PDE4D: variants seen among roughly 807,000 people sequenced by gnomAD.
PDE4D encodes the protein 3',5'-cyclic-AMP phosphodiesterase 4D.
Under a neutral mutation model 87.4 loss-of-function variants are expected in PDE4D, and 24 were observed. That is an observed-to-expected ratio of 0.27 (90% confidence interval 0.20 to 0.39). The LOEUF (loss-of-function observed/expected upper bound fraction) is 0.39, where lower values mean the gene tolerates loss of function less well. Among genes scored for constraint, PDE4D ranks in the 10% least tolerant of loss-of-function variants. The pLI, the probability that PDE4D is intolerant of heterozygous loss-of-function variation, is 1.00. For synonymous variants in PDE4D, 384 were observed against 383.2 expected (o/e 1.00, Z -0.02); for missense variants, 714 against 1,041.0 (o/e 0.69, Z 4.32).
chr5:59,593,388 T>C (rs919146179), intron 1 of PDE4D, among the ~76,000 whole-genome samples: 5 of 152,132 alleles, frequency 3.3e-5, no homozygotes, highest in African/African-American at 1.2e-4. Flanking sequence ...TGATTAGATG[T>C]ATCCAAAATA....
intron 5 of PDE4D, among the ~76,000 whole-genome samples, chr5:59,058,426 T>C (rs1762657233): frequency 6.6e-6 from 1 of 152,188 alleles, no homozygotes; most frequent in Admixed American, 6.5e-5. Flanking sequence ...ATTGATTTGT[T>C]TACATATCTA....
intron 1 of PDE4D, among the ~76,000 whole-genome samples, chr5:59,789,452 C>A (rs548657887): frequency 2.0e-5 from 3 of 152,160 alleles, no homozygotes; most frequent in African/African-American, 7.2e-5. Flanking sequence ...GATGAGCCTG[C>A]GTGATGTCTA....
intron 1 of PDE4D, among the ~76,000 whole-genome samples, chr5:59,777,527 A>G (rs575836690): frequency 4.4e-4 from 67 of 152,310 alleles, no homozygotes; most frequent in African/African-American, 1.6e-3. Context: ...ATGCTAACAT[A>G]AAGATTCTGA....
chr5:59,572,408 T>A (rs1021704042), intron 1 of PDE4D, among the ~76,000 whole-genome samples: 1 of 152,224 alleles, frequency 6.6e-6, no homozygotes, highest in Admixed American at 6.5e-5. Flanking sequence ...TATTATACTT[T>A]CTTTAATAGT....
intron 1 of PDE4D, among the ~76,000 whole-genome samples, chr5:60,223,533 C>T (rs1268220021): frequency 2.0e-5 from 3 of 152,024 alleles, no homozygotes; most frequent in Non-Finnish European, 4.4e-5. Context: ...CTCCTATTAC[C>T]TTTGTTCAGA....
chr5:59,072,679 T>A (rs369981950), intron 5 of PDE4D, among the ~76,000 whole-genome samples: 2 of 152,218 alleles, frequency 1.3e-5, no homozygotes, highest in African/African-American at 4.8e-5. Flanking sequence ...TAAATGGATA[T>A]GTTAATTACT....
Position 59,241,737 on chromosome 5 carries a change from T to TG in PDE4D, c.456-25770dup, listed in dbSNP as rs138905047. 1.5e-3 allele frequency among the ~76,000 whole-genome samples: 236 copies of TG among 152,320 alleles called. 1 individual carries two copies. The highest frequency in any genetic ancestry group is 5.5e-3 in the African/African-American group (228 of 41,576). ...GTAGGCATTTAAGAGGGCTTTTCTC[T>TG]GGGGATTTTACACATATTTTGCTGA... On this transcript the variant is annotated intron_variant, in intron 1 of 14. Transcript: ENST00000340635.
Position 60,424,253 on chromosome 5 carries a change from C to A in PDE4D, c.-90+63689G>T, listed in dbSNP as rs543995114. Among the ~76,000 whole-genome samples the A allele has an allele frequency of 2.0e-5, 3 of 152,298 alleles. No individual in the cohort carries two copies. The East Asian group carries it at 5.8e-4, about 29-fold the overall frequency. The stretch of plus-strand genomic sequence containing the variant: ...AAAAAAGAGAATTTTAGACCATTAT[C>A]CCTGATGAACATCGATGAGAAAATC... On this transcript the variant is annotated intron_variant, in intron 1 of 16. Coordinates refer to the PDE4D transcript ENST00000502484.
intron 1 of PDE4D, among the ~76,000 whole-genome samples, chr5:59,713,030 TC>T (rs1417708570): frequency 6.6e-6 from 1 of 152,214 alleles, no homozygotes; most frequent in African/African-American, 2.4e-5. Context: ...GGTTAGAACT[TC>T]TGTGACATAA....
intron 6 of PDE4D, among the ~76,000 whole-genome samples, chr5:59,031,362 GATATAT>G (rs137969980): frequency 4.2e-4 from 47 of 111,858 alleles, no homozygotes; most frequent in African/African-American, 1.4e-3. Flanking sequence ...AAGAAAATGT[GATATAT>G]ATATATATAT....
At chr5:59,630,154 A>G (rs1020447335) in intron 1 of PDE4D, among the ~76,000 whole-genome samples, 55 of 152,336 alleles carry the variant, frequency 3.6e-4, no homozygotes, top group African/African-American at 1.1e-3. Context: ...ATGGAGATAC[A>G]TACACTTTTA....
intron 1 of PDE4D, among the ~76,000 whole-genome samples, chr5:60,317,326 TGGTGA>T (rs1394577390): frequency 1.3e-5 from 2 of 152,212 alleles, no homozygotes; most frequent in African/African-American, 4.8e-5. Context: ...GTGGAATCAG[TGGTGA>T]TATCCCTTTT....
rs571484157 is a variant in PDE4D at position 60,415,997 on chromosome 5, T to G, written c.-90+71945A>C. ...CACACCAATCAGCACCCTGTGTCTATCTCAGGGTTTGTGAATGCACCAATC... is the reference window on the plus strand; with the variant it reads ...CACACCAATCAGCACCCTGTGTCTAGCTCAGGGTTTGTGAATGCACCAATC... On this transcript the variant is annotated intron_variant, in intron 1 of 16. Transcript: ENST00000502484. Among the ~76,000 whole-genome samples the G allele has an allele frequency of 6.0e-4, 91 of 152,042 alleles. No homozygotes were observed. The South Asian group carries it at 0.015, about 25-fold the overall frequency.
intron 1 of PDE4D, among the ~76,000 whole-genome samples, chr5:59,315,552 C>A (rs1561941481): frequency 6.6e-6 from 1 of 152,110 alleles, no homozygotes; most frequent in Non-Finnish European, 1.5e-5. Flanking sequence ...AGTCAAATGA[C>A]TGTCATTGTG....
intron 1 of PDE4D, among the ~76,000 whole-genome samples, chr5:59,806,524 G>T (rs1236847175): frequency 6.6e-6 from 1 of 152,146 alleles, no homozygotes; most frequent in African/African-American, 2.4e-5. Flanking sequence ...TTTTTAATGA[G>T]GTGTAAAGTT....
At chr5:59,451,239 T>C (rs553001922) in intron 1 of PDE4D, among the ~76,000 whole-genome samples, 1 of 152,360 alleles carries the variant, frequency 6.6e-6, no homozygotes, top group Admixed American at 6.5e-5. Flanking sequence ...GGTTTTCTTC[T>C]TAAGTCTCTG....
At chr5:59,716,559 A>G (rs757682580) in intron 1 of PDE4D, among the ~76,000 whole-genome samples, 1 of 152,196 alleles carries the variant, frequency 6.6e-6, no homozygotes, top group African/African-American at 2.4e-5. Context: ...TAATCCTCTT[A>G]CTTTAAGATC....
rs180718926 is a variant in PDE4D, at chr5:60,381,622, C to T, written c.-90+106320G>A. ...AAAATGGTAGTTTAGTGAACAGATA[C>T]GGGAAAGTCAGAAGGAACTGGTGAG... On this transcript the variant is annotated intron_variant, in intron 1 of 16. Coordinates refer to the PDE4D transcript ENST00000502484. Among the ~76,000 whole-genome samples, 86 of 152,038 alleles carry T rather than the reference C, an allele frequency of 5.7e-4. 1 individual carries two copies. The highest frequency in any genetic ancestry group is 1.8e-3 in the African/African-American group (75 of 41,482).
intron 5 of PDE4D, among the ~76,000 whole-genome samples, chr5:59,177,223 C>T (rs1784046017): frequency 6.6e-6 from 1 of 152,140 alleles, no homozygotes; most frequent in Non-Finnish European, 1.5e-5. Context: ...CTGATGCAAC[C>T]TAGAAGAAGA....
Sources: gnomAD v4.1 joint callset for allele counts (sites outside exome capture counted in the v4.1 genomes callset) on GRCh38, gnomAD v4.1.1 for gene constraint, MANE v1.5 for transcripts, NCBI Gene and HGNC (gene_info 2026-07-23, HGNC 2026-07-21) for gene names.